The following GALNT9 variants were observed in gnomAD, a reference collection of about 807,000 sequenced individuals.
The protein encoded by GALNT9 is polypeptide N-acetylgalactosaminyltransferase 9.
GALNT9 carries 47 observed loss-of-function variants against 63.1 expected under a neutral mutation model. The ratio of observed to expected loss-of-function variants is 0.75; its 90% confidence interval spans 0.59 to 0.95. The LOEUF is 0.95. Among genes scored for constraint, GALNT9 ranks in the 40% least tolerant of loss-of-function variants. The probability of loss-of-function intolerance (pLI) is 0.00; values close to 1 mark genes in which losing one functional copy is unlikely to be tolerated. For missense variants in GALNT9, 829 were observed against 874.8 expected (o/e 0.95, Z 0.66); for synonymous variants, 396 against 365.7 (o/e 1.08, Z -0.94).
intron 6 of GALNT9, among the ~76,000 whole-genome samples, chr12:132,213,479 C>CT (rs1877050075): frequency 2.3e-5 from 1 of 42,606 alleles, no homozygotes; most frequent in African/African-American, 8.2e-5. Context: ...CACACTCACA[C>CT]CCACACACAC....
chr12:132,304,786 C>T, intron 1 of GALNT9, among the ~76,000 whole-genome samples: 2 of 69,178 alleles, frequency 2.9e-5, no homozygotes, highest in Non-Finnish European at 2.7e-5. Flanking sequence ...GGCACACCCT[C>T]GCCCAGACAC....
intron 9 of GALNT9, among the ~76,000 whole-genome samples, chr12:132,198,170 G>C (rs748415095): frequency 4.6e-5 from 7 of 152,236 alleles, no homozygotes; most frequent in Non-Finnish European, 4.4e-5. Context: ...CAAATGCTCC[G>C]CAGGGCCAGG....
chr12:132,243,519 G>C (rs1878554812), intron 6 of GALNT9, among the ~76,000 whole-genome samples: 1 of 151,906 alleles, frequency 6.6e-6, no homozygotes, highest in Non-Finnish European at 1.5e-5. Flanking sequence ...GGTTCGTAGG[G>C]GCAGCTCTGG....
chr12:132,254,030 T>G (rs1555238819), intron 5 of GALNT9, among the ~76,000 whole-genome samples: 1 of 152,144 alleles, frequency 6.6e-6, no homozygotes, highest in African/African-American at 2.4e-5. Context: ...TTTTTCTTTT[T>G]TTTTTTTTTA....
chr12:132,201,413 A>ACCCC (rs35906641), intron 7 of GALNT9, 152 bp from the exon 8 acceptor site: 16 of 588,476 alleles, frequency 2.7e-5, no homozygotes, highest in East Asian at 2.3e-4. Flanking sequence ...TCCAGTTGGG[A>ACCCC]CCCCCCAGCC....
At chr12:132,226,512 A>G (rs1877694353) in intron 6 of GALNT9, among the ~76,000 whole-genome samples, 1 of 144,058 alleles carries the variant, frequency 6.9e-6, no homozygotes, top group Non-Finnish European at 1.5e-5. Context: ...TACATACCAT[A>G]TACACACCCC....
intron 2 of GALNT9, chr12:132,283,812 ATC>A (rs1566012400): frequency 6.6e-6 from 1 of 152,216 alleles, no homozygotes; most frequent in Non-Finnish European, 1.5e-5. Context: ...CTGCCTGGGC[ATC>A]TCTTCCCTCT....
At chr12:132,284,967 G>C (rs921387853) in intron 2 of GALNT9, among the ~76,000 whole-genome samples, 1 of 152,188 alleles carries the variant, frequency 6.6e-6, no homozygotes, top group Non-Finnish European at 1.5e-5. Flanking sequence ...GAACGCCCTG[G>C]GAACCACTGC....
At position 132,198,899 on chromosome 12, in the gene GALNT9, C is replaced by T. The variant is rs563347752; in HGVS notation, c.1497+275G>A. ...TTCCTGGGCTTAAGTGATCTGTCTGCCTTGGCCTCCCATCGTGCTGAGATG... is the reference window on the plus strand; with the variant it reads ...TTCCTGGGCTTAAGTGATCTGTCTGTCTTGGCCTCCCATCGTGCTGAGATG... On this transcript the variant is annotated intron_variant, in intron 9 of 10. Coordinates refer to ENST00000328957, the MANE Select transcript of GALNT9 (RefSeq NM_001122636.2). Among the ~76,000 whole-genome samples, 5 of 152,290 alleles carry T rather than the reference C, an allele frequency of 3.3e-5. No individual in the cohort carries two copies. The South Asian group carries it at 1.0e-3, about 32-fold the overall frequency.
intron 6 of GALNT9, among the ~76,000 whole-genome samples, chr12:132,210,222 C>G (rs1324748875): frequency 6.6e-6 from 1 of 152,200 alleles, no homozygotes; most frequent in Non-Finnish European, 1.5e-5. Context: ...GGAGAGGGGC[C>G]CTGCTGCGCG....
At chr12:132,283,192 C>G (rs1294589058) in intron 2 of GALNT9, 1 of 152,396 alleles carries the variant, frequency 6.6e-6, no homozygotes, top group Non-Finnish European at 1.5e-5. Flanking sequence ...CCAGAGGACT[C>G]CACAGGGGAC....
At chr12:132,300,083 C>A (rs1881234799) in intron 1 of GALNT9, among the ~76,000 whole-genome samples, 1 of 144,664 alleles carries the variant, frequency 6.9e-6, no homozygotes, top group African/African-American at 2.6e-5. Flanking sequence ...CCAGCCCACT[C>A]CTGAGATAAC....
rs531729696 is a variant in GALNT9, at chr12:132,329,231, C to A, written c.-28G>T. The A allele has an allele frequency of 5.2e-6, 8 of 1,529,460 alleles. No homozygotes were observed. The highest frequency in any genetic ancestry group is 3.4e-4 in the Middle Eastern group (2 of 5,936). 94.7% of individuals were successfully genotyped at this position (1,529,460 alleles called of 1,614,324 possible). A position where few individuals can be genotyped will look rare whatever the true frequency, so the allele number is the denominator to read the frequency against. On this transcript the variant is annotated 5_prime_UTR_variant, in exon 1 of 11. Coordinates refer to ENST00000328957, the MANE Select transcript of GALNT9 (RefSeq NM_001122636.2). ...ACACGGCTGCAGCGGGGGCCTCACC[C>A]GCGGGGCATCCCCAGCATCCCCGCC...
intron 2 of GALNT9, among the ~76,000 whole-genome samples, chr12:132,263,370 A>G (rs1303486855): frequency 2.6e-5 from 4 of 152,260 alleles, no homozygotes; most frequent in Non-Finnish European, 4.4e-5. Context: ...CACAGTTTTC[A>G]TGAACTTGCA....
At chr12:132,311,966 A>G (rs965804229) in intron 1 of GALNT9, among the ~76,000 whole-genome samples, 18 of 152,234 alleles carry the variant, frequency 1.2e-4, no homozygotes, top group African/African-American at 4.3e-4. Flanking sequence ...AAGTGAAGAT[A>G]AAAAAGAGAG....
At chr12:132,207,541 G>GC (rs969109453) in intron 6 of GALNT9, among the ~76,000 whole-genome samples, 8 of 152,162 alleles carry the variant, frequency 5.3e-5, no homozygotes, top group African/African-American at 1.7e-4. Context: ...TGGTGCCGAG[G>GC]CCCCTTCTTG....
chr12:132,308,842 C>A (rs1460583056), intron 1 of GALNT9, among the ~76,000 whole-genome samples: 1 of 151,922 alleles, frequency 6.6e-6, no homozygotes, highest in Non-Finnish European at 1.5e-5. Context: ...CCACGGGGCT[C>A]GGGATGGCCG....
chr12:132,227,268 C>A (rs886700264), intron 6 of GALNT9, among the ~76,000 whole-genome samples: 28 of 152,146 alleles, frequency 1.8e-4, no homozygotes, highest in Non-Finnish European at 3.5e-4. Context: ...TCAGCAGAAC[C>A]CCGGGGCACC....
intron 6 of GALNT9, among the ~76,000 whole-genome samples, chr12:132,206,862 A>T (rs1047296087): frequency 9.9e-5 from 15 of 152,128 alleles, no homozygotes; most frequent in Admixed American, 6.6e-5. Flanking sequence ...CATTAAAAAA[A>T]CCAGCGAGCC....
Sources: allele counts gnomAD v4.1 joint callset (sites outside exome capture counted in the v4.1 genomes callset), GRCh38; gene constraint gnomAD v4.1.1; transcripts MANE v1.5; gene names NCBI Gene and HGNC (gene_info 2026-07-23, HGNC 2026-07-21).